KCND2: variants seen among roughly 807,000 people sequenced by gnomAD.
KCND2 encodes A-type voltage-gated potassium channel KCND2.
In KCND2, 16 loss-of-function variants were observed where a neutral mutation model predicts 54.4. The ratio of observed to expected loss-of-function variants is 0.29; its 90% CI spans 0.20 to 0.45. The LOEUF is 0.45. KCND2 is among the 20% of genes least tolerant of loss of function. The pLI, the probability that KCND2 is intolerant of heterozygous loss-of-function variation, is 1.00. For missense variants in KCND2, 486 were observed against 824.2 expected, an observed-to-expected ratio of 0.59 and a Z score of 5.02; for synonymous variants, 317 against 310.7, an observed-to-expected ratio of 1.02 and a Z score of -0.21.
chr7:120,649,276 G>T (rs999171199), intron 1 of KCND2, among the ~76,000 whole-genome samples: 1 of 151,528 alleles, frequency 6.6e-6, no homozygotes. Context: ...AGCACTGATG[G>T]GATTTTTTAA....
intron 1 of KCND2, among the ~76,000 whole-genome samples, chr7:120,455,883 G>C (rs566413436): frequency 1.1e-4 from 16 of 152,226 alleles, no homozygotes; most frequent in Admixed American, 5.9e-4. Context: ...CCTGGTTGAT[G>C]AAATAATCTG....
intron 1 of KCND2, among the ~76,000 whole-genome samples, chr7:120,666,947 C>T (rs2116567548): frequency 6.6e-6 from 1 of 151,974 alleles, no homozygotes; most frequent in Admixed American, 6.6e-5. Context: ...TTCTTTTTAT[C>T]TACACTGAAT....
At chr7:120,395,559 G>A (rs1200365880) in intron 1 of KCND2, among the ~76,000 whole-genome samples, 3 of 151,964 alleles carry the variant, frequency 2.0e-5, no homozygotes, top group South Asian at 2.1e-4. Flanking sequence ...GTTATTGAAC[G>A]GGTACTGCTT....
chr7:120,320,183 G>A (rs1384217755), intron 1 of KCND2, among the ~76,000 whole-genome samples: 3 of 152,086 alleles, frequency 2.0e-5, no homozygotes, highest in African/African-American at 7.2e-5. Context: ...ATTGTGTAGG[G>A]AAGACAGGCA....
At position 120,416,048 on chromosome 7, in the gene KCND2, G is replaced by A. The variant is rs1801519556; in HGVS notation, c.1115+140301G>A. ...TGTTTCTCCACATTTCTACCATTAT[G>A]ACACCCAAGTACAGCTGCCATCTAT... On this transcript the variant is annotated intron_variant, in intron 1 of 5. Coordinates refer to ENST00000331113, the MANE Select transcript of KCND2 (RefSeq NM_012281.3). Among the ~76,000 whole-genome samples, 4 of 152,016 alleles carry A rather than the reference G, an allele frequency of 2.6e-5. No homozygotes were observed. In the South Asian group the frequency reaches 8.3e-4, roughly 31 times the overall value.
chr7:120,567,214 G>A (rs1792309885), intron 1 of KCND2, among the ~76,000 whole-genome samples: 2 of 152,108 alleles, frequency 1.3e-5, no homozygotes, highest in Admixed American at 6.5e-5. Context: ...CATGGGAGTA[G>A]AAATGTTTTT....
intron 1 of KCND2, among the ~76,000 whole-genome samples, chr7:120,377,297 T>G (rs889856520): frequency 9.9e-5 from 15 of 151,922 alleles, no homozygotes; most frequent in Non-Finnish European, 1.9e-4. Context: ...CTTAGAATAT[T>G]ATAGTTGGTT....
chr7:120,289,067 C>T (rs1029991751), intron 1 of KCND2, among the ~76,000 whole-genome samples: 1 of 38,296 alleles, frequency 2.6e-5, no homozygotes, highest in Non-Finnish European at 1.3e-4. Flanking sequence ...CACACACACA[C>T]ACACACACAC....
intron 1 of KCND2, among the ~76,000 whole-genome samples, chr7:120,346,715 CTG>C (rs1007654896): frequency 2.0e-5 from 3 of 152,016 alleles, no homozygotes; most frequent in African/African-American, 4.8e-5. Flanking sequence ...CCTCTTCTCT[CTG>C]TCTCTTTCTC....
At chr7:120,383,002 G>T (rs951889981) in intron 1 of KCND2, among the ~76,000 whole-genome samples, 1 of 151,880 alleles carries the variant, frequency 6.6e-6, no homozygotes, top group Admixed American at 6.6e-5. Flanking sequence ...TACCTTTCCT[G>T]TCACTAGTTA....
intron 1 of KCND2, among the ~76,000 whole-genome samples, chr7:120,453,411 C>A (rs1020299348): frequency 3.9e-5 from 6 of 152,180 alleles, no homozygotes; most frequent in Non-Finnish European, 8.8e-5. Flanking sequence ...GTGGTCCCAT[C>A]CTCCCTGTAC....
At chr7:120,505,903 C>T (rs1479058975) in intron 1 of KCND2, among the ~76,000 whole-genome samples, 1 of 151,722 alleles carries the variant, frequency 6.6e-6, no homozygotes, top group Non-Finnish European at 1.5e-5. Context: ...TTGAAAACAA[C>T]ACATTTGACA....
intron 1 of KCND2, among the ~76,000 whole-genome samples, chr7:120,538,667 G>C (rs1265622484): frequency 1.3e-5 from 2 of 152,176 alleles, no homozygotes; most frequent in South Asian, 4.1e-4. Context: ...GTTTTATACA[G>C]ATGGACCAGA....
intron 1 of KCND2, among the ~76,000 whole-genome samples, chr7:120,655,734 T>G (rs1416507768): frequency 1.3e-5 from 2 of 152,030 alleles, no homozygotes; most frequent in Non-Finnish European, 2.9e-5. Flanking sequence ...AAACAATGAA[T>G]TAAAACTACT....
intron 1 of KCND2, among the ~76,000 whole-genome samples, chr7:120,359,297 A>T (rs1800556194): frequency 1.3e-5 from 2 of 152,172 alleles, no homozygotes; most frequent in Admixed American, 1.3e-4. Flanking sequence ...TATTCTGTAT[A>T]TGTAATAAAG....
At chr7:120,682,284 A>G (rs1032929902) in intron 1 of KCND2, among the ~76,000 whole-genome samples, 2 of 152,030 alleles carry the variant, frequency 1.3e-5, no homozygotes, top group African/African-American at 4.8e-5. Flanking sequence ...GATATTAATA[A>G]ACATGGGGTA....
intron 1 of KCND2, among the ~76,000 whole-genome samples, chr7:120,711,551 GT>G (rs1792538397): frequency 1.3e-5 from 2 of 152,158 alleles, no homozygotes; most frequent in Admixed American, 1.3e-4. Context: ...GATGGAGAAT[GT>G]TAAGCTAGAA....
At chr7:120,687,543 T>C (rs12530724) in intron 1 of KCND2, among the ~76,000 whole-genome samples, 126 of 152,144 alleles carry the variant, frequency 8.3e-4, no homozygotes, top group African/African-American at 2.8e-3. Flanking sequence ...GGGGCAAGCA[T>C]TGGGGCTCAT....
chr7:120,280,989 T>C (rs1799251948), intron 1 of KCND2, among the ~76,000 whole-genome samples: 1 of 152,152 alleles, frequency 6.6e-6, no homozygotes, highest in Non-Finnish European at 1.5e-5. Context: ...TTTATCATAA[T>C]GGTGCCCATC....
Sources: allele counts gnomAD v4.1 joint callset (sites outside exome capture counted in the v4.1 genomes callset), GRCh38; gene constraint gnomAD v4.1.1; transcripts MANE v1.5; gene names NCBI Gene and HGNC (gene_info 2026-07-23, HGNC 2026-07-21).